The following ZNF717 variants were observed in gnomAD, a reference collection of about 807,000 sequenced individuals.
The protein encoded by ZNF717 is zinc finger protein 717, also known as krueppel-like factor X17.
Under a neutral mutation model 13.8 loss-of-function variants are expected in ZNF717, and 9 were observed. The observed-to-expected ratio is 0.65, with a 90% confidence interval of 0.39 to 1.14. The LOEUF is 1.14. Among genes scored for constraint, ZNF717 ranks in the 50% most tolerant of loss-of-function variants. The pLI is 0.01. For missense variants in ZNF717, 1,040 were observed against 1,080.7 expected, an observed-to-expected ratio of 0.96 and a Z score of 0.53; for synonymous variants, 327 against 364.1, an observed-to-expected ratio of 0.90 and a Z score of 1.16.
downstream of ZNF717, among the ~76,000 whole-genome samples, chr3:75,728,802 G>A (rs1455061088): frequency 5.9e-5 from 9 of 152,134 alleles, no homozygotes; most frequent in Non-Finnish European, 1.2e-4. Context: ...TATTTCTTCA[G>A]AGCAGTATGA....
At chr3:75,706,704 C>T (rs1190111570), downstream of ZNF717, among the ~76,000 whole-genome samples, 1 of 152,306 alleles carries the variant, frequency 6.6e-6, no homozygotes, top group African/African-American at 2.4e-5. Context: ...CTGATACTTC[C>T]TACCTCTGCT....
rs1480217171 is a variant in ZNF717 at position 75,766,676 on chromosome 3, A to T, written c.57+16630T>A. On this transcript the variant is annotated intron_variant, in intron 2 of 4. Transcript: ENST00000652011. Reference sequence around the variant, plus strand: ...GGGAAAATACAGATCTAAATGACAAAATCCTGACCCAAATGGTATTTATGA... The same window carrying T: ...GGGAAAATACAGATCTAAATGACAATATCCTGACCCAAATGGTATTTATGA... Among the ~76,000 whole-genome samples the T allele has an allele frequency of 5.9e-5, 9 of 152,266 alleles. No individual in the cohort carries two copies. The East Asian group carries it at 1.7e-3, about 29-fold the overall frequency.
At chr3:75,739,764 C>G (rs73843019) in intron 4 of ZNF717, among the ~76,000 whole-genome samples, 11 of 151,940 alleles carry the variant, frequency 7.2e-5, no homozygotes, top group Non-Finnish European at 8.8e-5. Flanking sequence ...CCAGTTTTTC[C>G]TGGGTCAGCA....
chr3:75,740,140 G>A (rs73843022), intron 4 of ZNF717, among the ~76,000 whole-genome samples: 7 of 146,664 alleles, frequency 4.8e-5, no homozygotes, highest in Admixed American at 1.4e-4. Context: ...CTCACCAATC[G>A]CTGCTTGATA....
intron 2 of ZNF717, among the ~76,000 whole-genome samples, chr3:75,744,006 A>G (rs1468278807): frequency 6.6e-6 from 1 of 152,258 alleles, no homozygotes; most frequent in Non-Finnish European, 1.5e-5. Flanking sequence ...TTTCAATGGT[A>G]CCTGAATCCA....
In ZNF717 at chr3:75,737,370, G is replaced by A. The variant is rs76396775; in HGVS notation, c.2253C>T (p.Thr751=). The change falls in exon 5 of 5, where the codon ACC becomes ACT. Residue 751 remains threonine, a synonymous_variant. Transcript: ENST00000652011. ...ATTCATAAGGTTTTTCTCCGGTATG[G>A]GTTCTATGATGTACAGTGAGGACTG... ...QKSVLTVHHR[T]HTGEKPYECN... 1 of 1,552,628 alleles carries A rather than the reference G, an allele frequency of 6.4e-7. No homozygotes were observed. Among genetic ancestry groups the A allele is most frequent in the African/African-American group, 1.4e-5 (1 of 73,134 alleles).
rs1481676216 is a variant in ZNF717, at chr3:75,770,291, T to C, written c.57+13015A>G. On this transcript the variant is annotated intron_variant, in intron 2 of 4. Coordinates refer to ENST00000652011, the MANE Select transcript of ZNF717 (RefSeq NM_001290208.3). ...AAAACAAGAAGCAGGCCGGGCACGG[T>C]GGCTCACGCCTGCAATCCCAGCACT... Among the ~76,000 whole-genome samples, 3 of 152,352 alleles carry C rather than the reference T, an allele frequency of 2.0e-5. No homozygotes were observed. In the East Asian group the frequency reaches 5.8e-4, roughly 29 times the overall value.
chr3:75,737,885 T>C lies in ZNF717; in HGVS notation c.1738A>G (p.Ile580Val), dbSNP rs1287780989. Residue 580 changes from isoleucine to valine, a missense_variant, in exon 5 of 5, where the codon ATA becomes GTA. Physicochemically the swap from Ile to Val is conservative, Grantham distance 29 (BLOSUM62 3). Coordinates refer to ENST00000652011, the MANE Select transcript of ZNF717 (RefSeq NM_001290208.3). ...TTGCCAGCATGAGTTCTCTGATGTATAGTTAGGAATGACTTACAGTGAAAG... is the reference window on the plus strand; with the variant it reads ...TTGCCAGCATGAGTTCTCTGATGTACAGTTAGGAATGACTTACAGTGAAAG... The part of the protein sequence containing the change: ...KSFHCKSFLT[I>V]HQRTHAGKKP... The C allele has an allele frequency of 2.9e-5, 45 of 1,547,396 alleles. No individual in the cohort carries two copies. Among genetic ancestry groups the C allele is most frequent in the African/African-American group, 1.8e-4 (13 of 72,866 alleles).
intron 2 of ZNF717, among the ~76,000 whole-genome samples, chr3:75,749,685 AT>A (rs1941529778): frequency 2.1e-5 from 3 of 145,186 alleles, no homozygotes; most frequent in African/African-American, 7.7e-5. Context: ...GATTCTGAGT[AT>A]TTCCCCTCAC....
intron 2 of ZNF717, among the ~76,000 whole-genome samples, chr3:75,753,839 C>T (rs530055027): frequency 6.7e-4 from 99 of 148,750 alleles, no homozygotes; most frequent in African/African-American, 2.4e-3. Flanking sequence ...AATGTTTGTC[C>T]CTCACATAGG....
intron 2 of ZNF717, among the ~76,000 whole-genome samples, chr3:75,757,126 G>C (rs79092971): frequency 6.6e-6 from 1 of 152,264 alleles, no homozygotes; most frequent in African/African-American, 2.4e-5. Flanking sequence ...TGATGGAAAA[G>C]CTGCAGAAAG....
chr3:75,762,146 G>A (rs1943086872), intron 2 of ZNF717, among the ~76,000 whole-genome samples: 1 of 151,802 alleles, frequency 6.6e-6, no homozygotes, highest in Non-Finnish European at 1.5e-5. Context: ...TTTTTAAAAA[G>A]AATGACATTT....
chr3:75,777,067 A>C (rs1212462747), intron 2 of ZNF717, among the ~76,000 whole-genome samples: 1 of 152,240 alleles, frequency 6.6e-6, no homozygotes, highest in African/African-American at 2.4e-5. Flanking sequence ...GTACTTCCTC[A>C]AATGTTTTAA....
At chr3:75,762,008 T>C (rs964503412) in intron 2 of ZNF717, among the ~76,000 whole-genome samples, 19 of 147,338 alleles carry the variant, frequency 1.3e-4, no homozygotes, top group African/African-American at 4.5e-4. Flanking sequence ...CAGCTGAGAT[T>C]GTGCCACTGC....
At chr3:75,753,115 CTG>C (rs1942065485) in intron 2 of ZNF717, among the ~76,000 whole-genome samples, 1 of 116,446 alleles carries the variant, frequency 8.6e-6, no homozygotes, top group African/African-American at 3.4e-5. Flanking sequence ...GTCTGAATAT[CTG>C]TCCGTTACAT....
At chr3:75,739,531 T>G (rs1940065389) in intron 4 of ZNF717, among the ~76,000 whole-genome samples, 186 bp from the exon 5 acceptor site, 1 of 152,222 alleles carries the variant, frequency 6.6e-6, no homozygotes, top group Non-Finnish European at 1.5e-5. Context: ...TCAGTATATT[T>G]TCTAATGTTC....
intron 2 of ZNF717, among the ~76,000 whole-genome samples, chr3:75,760,207 T>A (rs58950076): frequency 2.0e-3 from 100 of 50,964 alleles, no homozygotes; most frequent in African/African-American, 3.8e-3. Flanking sequence ...TTTTATATAT[T>A]TTTTTTTTCT....
In ZNF717 at chr3:75,738,045, C is replaced by A. The variant is rs1196277897; in HGVS notation, c.1578G>T (p.Gln526His). Reference sequence around the variant, plus strand: ...ATGGTTTTTCCCCAGCATGAGTTCTCTGATGGACAGTGAGGAATGACTTAC... The same window carrying A: ...ATGGTTTTTCCCCAGCATGAGTTCTATGATGGACAGTGAGGAATGACTTAC... ...FRCKSFLTVH[Q>H]RTHAGEKPYA... Residue 526 changes from glutamine (Q) to histidine (H), a missense_variant, in exon 5 of 5, where the codon CAG becomes CAT. By Grantham distance (24) the Gln-to-His change is conservative (BLOSUM62 0). Around this residue, in one of 3 missense-constraint regions of ZNF717, gnomAD observed 873 missense variants for 832.8 expected, o/e 1.05. Coordinates refer to ENST00000652011, the MANE Select transcript of ZNF717 (RefSeq NM_001290208.3). 1.5e-6 allele frequency: 2 copies of A among 1,343,066 alleles called. No homozygotes were observed. Among genetic ancestry groups the A allele is most frequent in the Non-Finnish European group, 2.0e-6 (2 of 1,006,596 alleles). 83.2% of individuals were successfully genotyped at this position (1,343,066 alleles called of 1,614,324 possible). A position where few individuals can be genotyped will look rare whatever the true frequency, so the allele number is the denominator to read the frequency against.
chr3:75,735,657 A>AAAG (rs57420276), downstream of ZNF717, among the ~76,000 whole-genome samples: 9 of 45,500 alleles, frequency 2.0e-4, no homozygotes, highest in Non-Finnish European at 4.1e-4. Context: ...AAAAAAAAAA[A>AAAG]GCAACGAGAG....
Sources: gnomAD v4.1 joint callset for allele counts (sites outside exome capture counted in the v4.1 genomes callset) on GRCh38, gnomAD v4.1.1 for gene constraint, gnomAD v4.1.1 regional missense constraint, MANE v1.5 for transcripts, NCBI Gene and HGNC (gene_info 2026-07-23, HGNC 2026-07-21) for gene names.